The following DIPK2B variants were observed in gnomAD, a reference collection of about 807,000 sequenced individuals.
The protein encoded by DIPK2B is UPF0672 protein CXorf36.
A neutral mutation model predicts 22.2 loss-of-function variants in DIPK2B; 15 were observed. That is an observed-to-expected ratio of 0.68 (90% CI 0.45 to 1.04). DIPK2B has a LOEUF of 1.04. Ranked by LOEUF, DIPK2B falls within the 50% of genes least tolerant of loss-of-function variation. DIPK2B has a pLI of 0.00. For synonymous variants in DIPK2B, 163 were observed against 153.2 expected (o/e 1.06, Z -0.47); for missense variants, 345 against 348.3 (o/e 0.99, Z 0.08).
chrX:45,200,770 C>T lies in DIPK2B; in HGVS notation c.57G>A (p.Leu19=). Residue 19 remains leucine (L), a synonymous_variant, in exon 1 of 5, where the codon CTG becomes CTA. Transcript: ENST00000398000. The part of the protein sequence containing the change: ...AAALRPGWLA[L]LLWVSALSCS... ...AGCTCAGGGCTGAGACCCACAGCAG[C>T]AGGGCCAGCCAGCCAGGGCGGAGGG... 1 of 1,208,558 alleles carries T rather than the reference C, an allele frequency of 8.3e-7. No individual in the cohort carries two copies. The highest frequency in any genetic ancestry group is 1.1e-6 in the Non-Finnish European group (1 of 893,654).
At chrX:45,191,577 C>T (rs1041832277) in intron 2 of DIPK2B, 174 bp downstream of exon 2, 11 of 529,952 alleles carry the variant, frequency 2.1e-5, no homozygotes, top group African/African-American at 4.7e-5. Context: ...ATAAGTAAAC[C>T]TTGTTTAGTT....
At chrX:45,189,085 G>A (rs1230564516) in intron 2 of DIPK2B, among the ~76,000 whole-genome samples, 1 of 111,859 alleles carries the variant, frequency 8.9e-6, no homozygotes, top group Non-Finnish European at 1.9e-5. Context: ...AATAGATTTT[G>A]TCTCACCATG....
chrX:45,190,084 A>T (rs147011036), intron 2 of DIPK2B, among the ~76,000 whole-genome samples: 2 of 112,444 alleles, frequency 1.8e-5, no homozygotes, highest in Non-Finnish European at 3.8e-5. Context: ...TTCACTTATT[A>T]TGAGAATACT....
Position 45,200,617 on chromosome X carries a change from C to G in DIPK2B, c.210G>C (p.Lys70Asn), listed in dbSNP as rs199723553. The G allele has an allele frequency of 4.0e-4, 482 of 1,210,671 alleles. 3 individuals are homozygous for G. In the East Asian group the frequency reaches 0.013, roughly 32 times the overall value. The change falls in exon 1 of 5, where the codon AAG becomes AAC. Residue 70 changes from lysine to asparagine, a missense_variant. Physicochemically the swap from Lys to Asn is moderately conservative, Grantham distance 94. Transcript: ENST00000398000. ...CNACIGTSIC[K>N]KFFKEEIRSD... ...ACCTTATTTCTTCTTTAAAGAACTT[C>G]TTGCAAATAGATGTCCCGATGCAGG...
chrX:45,164,364 G>A, intron 2 of DIPK2B: 1 of 791,210 alleles, frequency 1.3e-6, no homozygotes, highest in East Asian at 3.6e-5. Flanking sequence ...ATTATCCAGT[G>A]ATCTAGTAAA....
rs1310216909 is a variant in DIPK2B at position 45,182,060 on chromosome X, G to A, written c.498+9691C>T. ...GCCACTGCACTCCAGCTTGGTGACA[G>A]AGACACCCTGTCTCAAAAAAAAAAA... is the stretch of plus-strand genomic sequence containing the variant. On this transcript the variant is annotated intron_variant, in intron 2 of 4. Transcript: ENST00000398000. 2.5e-3 allele frequency among the ~76,000 whole-genome samples: 214 copies of A among 85,985 alleles called. 1 individual carries two copies. The highest frequency in any genetic ancestry group is 9.6e-3 in the African/African-American group (210 of 21,987). 74.7% of individuals were successfully genotyped at this position (85,985 alleles called of 115,157 possible). A position where few individuals can be genotyped will look rare whatever the true frequency, so the allele number is the denominator to read the frequency against.
Position 45,149,162 on chromosome X carries a change from T to C in DIPK2B, c.*2490A>G, listed in dbSNP as rs1176944046. Reference sequence around the variant, plus strand: ...CTCATTGTGTGGAGGCATTTTGCGGTGGAAACACACCTGGATGCAGGGAGA... The same window carrying C: ...CTCATTGTGTGGAGGCATTTTGCGGCGGAAACACACCTGGATGCAGGGAGA... On this transcript the variant is annotated 3_prime_UTR_variant, in exon 5 of 5. Transcript: ENST00000398000. 1 of 112,523 alleles carries C rather than the reference T, an allele frequency of 8.9e-6. No homozygotes were observed. Among genetic ancestry groups the C allele is most frequent in the African/African-American group, 3.2e-5 (1 of 30,911 alleles). The allele number at this position is 112,523 out of a possible 1,213,427, so 9.3% of individuals were successfully genotyped here.
At chrX:45,178,340 A>AT (rs1308036047) in intron 2 of DIPK2B, among the ~76,000 whole-genome samples, 15 of 110,502 alleles carry the variant, frequency 1.4e-4, no homozygotes, top group African/African-American at 2.0e-4. Context: ...ATGCAGTAGC[A>AT]TTTTTTTTTC....
intron 3 of DIPK2B, among the ~76,000 whole-genome samples, chrX:45,156,712 G>C (rs2046997665): frequency 9.0e-6 from 1 of 111,252 alleles, no homozygotes; most frequent in Admixed American, 9.5e-5. Flanking sequence ...ATATTCTCAG[G>C]GGGTGGCTGT....
intron 2 of DIPK2B, among the ~76,000 whole-genome samples, chrX:45,182,014 G>T: frequency 9.4e-6 from 1 of 106,672 alleles, no homozygotes; most frequent in East Asian, 2.9e-4. Context: ...GGAGTCTGAG[G>T]TTATAGTGAG....
rs766038447 is a variant in DIPK2B at position 45,172,741 on chromosome X, T to G, written c.499-14853A>C. On this transcript the variant is annotated intron_variant, in intron 2 of 4. Transcript: ENST00000398000. ...CAGAGTAAAACACATTATTTCATGG[T>G]CTGTCATTTCGATTCAGGTGTGCTA... 3.6e-5 allele frequency among the ~76,000 whole-genome samples: 4 copies of G among 112,171 alleles called. No homozygotes were observed. In the South Asian group the frequency reaches 1.5e-3, roughly 42 times the overall value.
intron 4 of DIPK2B, among the ~76,000 whole-genome samples, chrX:45,152,998 A>T (rs2046969531): frequency 8.9e-6 from 1 of 112,186 alleles, no homozygotes; most frequent in African/African-American, 3.2e-5. Context: ...GTAATCCCAA[A>T]TATGTATTCA....
In DIPK2B at chrX:45,150,020, T is replaced by C. The variant is rs2046952174; in HGVS notation, c.*1632A>G. 1 of 112,177 alleles carries C rather than the reference T, an allele frequency of 8.9e-6. No homozygotes were observed. The highest frequency in any genetic ancestry group is 9.4e-5 in the Admixed American group (1 of 10,619). 9.2% of individuals were successfully genotyped at this position (112,177 alleles called of 1,213,427 possible). ...CCTCAGCCTCCTGAGTAGCTGGGATTACAGGTGCCCGCCACCACACCTGGC... is the reference window on the plus strand; with the variant it reads ...CCTCAGCCTCCTGAGTAGCTGGGATCACAGGTGCCCGCCACCACACCTGGC... On this transcript the variant is annotated 3_prime_UTR_variant, in exon 5 of 5. Transcript: ENST00000398000.
chrX:45,153,305 T>C (rs1915186586), intron 4 of DIPK2B, among the ~76,000 whole-genome samples: 1 of 112,087 alleles, frequency 8.9e-6, no homozygotes, highest in African/African-American at 3.2e-5. Flanking sequence ...GATTCAGTCA[T>C]CCACCTCATT....
chrX:45,153,535 G>A (rs1325872661), intron 4 of DIPK2B, among the ~76,000 whole-genome samples: 1 of 99,828 alleles, frequency 1.0e-5, no homozygotes, highest in African/African-American at 3.6e-5. Flanking sequence ...AGAGAGAGAG[G>A]AGAGAGAGAG....
In DIPK2B at chrX:45,191,985, T is replaced by G. The variant is rs1400905125; in HGVS notation, c.264A>C (p.Gly88=). ...RSDNWLASHL[G]LPPDSLLSYP... ...AAGAAAGCAAGGAATCGGGAGGCAG[T>G]CCAAGGTGGGAAGCCAGCCAGTTGT... The change falls in exon 2 of 5, where the codon GGA becomes GGC. Residue 88 remains glycine (G), a synonymous_variant. Coordinates refer to ENST00000398000, the MANE Select transcript of DIPK2B (RefSeq NM_176819.4). The G allele has an allele frequency of 1.1e-5, 13 of 1,209,238 alleles. No individual in the cohort carries two copies. The highest frequency in any genetic ancestry group is 1.5e-5 in the Non-Finnish European group (13 of 894,734).
At chrX:45,176,343 T>C (rs746640152) in intron 2 of DIPK2B, among the ~76,000 whole-genome samples, 31 of 111,765 alleles carry the variant, frequency 2.8e-4, no homozygotes, top group African/African-American at 9.8e-4. Flanking sequence ...AGGAAAGGAC[T>C]ATAGTTTTAG....
intron 3 of DIPK2B, among the ~76,000 whole-genome samples, chrX:45,154,988 A>G (rs917929971): frequency 8.9e-6 from 1 of 112,038 alleles, no homozygotes; most frequent in African/African-American, 3.2e-5. Flanking sequence ...AAAGAAAAAT[A>G]TTTTAAAAAA....
In DIPK2B at chrX:45,177,005, A is replaced by G. The variant is rs190843408; in HGVS notation, c.498+14746T>C. 1.6e-4 allele frequency among the ~76,000 whole-genome samples: 18 copies of G among 111,547 alleles called. 1 individual carries two copies. The Admixed American group carries it at 1.7e-3, about 11-fold the overall frequency. On this transcript the variant is annotated intron_variant, in intron 2 of 4. Coordinates refer to ENST00000398000, the MANE Select transcript of DIPK2B (RefSeq NM_176819.4). ...TATGGTTTGGATATCTGTCCCTCCA[A>G]ATCTCATGTTGAAATGTGATCCCTG...
Sources: gnomAD v4.1 joint callset for allele counts (sites outside exome capture counted in the v4.1 genomes callset) on GRCh38, gnomAD v4.1.1 for gene constraint, MANE v1.5 for transcripts, NCBI Gene and HGNC (gene_info 2026-07-23, HGNC 2026-07-21) for gene names.